The following DNM1 variants were observed in gnomAD, a reference collection of about 807,000 sequenced individuals.
DNM1 encodes the protein dynamin 1, also known as dynamin-1.
DNM1 carries 29 observed loss-of-function variants against 104.6 expected under a neutral mutation model. That is an observed-to-expected ratio of 0.28 (90% CI 0.21 to 0.38). The LOEUF (loss-of-function observed/expected upper bound fraction) is 0.38, where lower values mean the gene tolerates loss of function less well. Ranked by LOEUF, DNM1 falls within the 10% of genes least tolerant of loss-of-function variation. The pLI is 1.00. For synonymous variants in DNM1, 445 were observed against 475.8 expected (o/e 0.94, Z 0.84); for missense variants, 640 against 1,189.4 (o/e 0.54, Z 6.79).
At position 128,254,158 on chromosome 9, in the gene DNM1, C is replaced by T. The variant is rs1435193344; in HGVS notation, c.2535-496C>T. On this transcript the variant is annotated intron_variant, in intron 21 of 21. Transcript: ENST00000372923. The surrounding 1 kb of genome is among the most constrained non-coding windows in gnomAD (Gnocchi z 6.1). ...TTCAGAGGGTCCTGGGTTTTCTGAA[C>T]ACCCAGAGGGGCCTCCGGCGCTCCC... The T allele has an allele frequency of 1.6e-5, 21 of 1,298,884 alleles. No homozygotes were observed. The highest frequency in any genetic ancestry group is 4.0e-5 in the Admixed American group (1 of 24,754). 80.5% of individuals were successfully genotyped at this position (1,298,884 alleles called of 1,614,324 possible).
intron 10 of DNM1, chr9:128,226,111 A>T: frequency 6.2e-7 from 1 of 1,612,842 alleles, no homozygotes; most frequent in South Asian, 1.1e-5. Flanking sequence ...AGAGCCCAGT[A>T]TCAAGTGTGT....
rs1829756688 is a variant in DNM1 at position 128,254,848 on chromosome 9, T to C, written c.*134T>C. 2.7e-6 allele frequency: 2 copies of C among 747,938 alleles called. No individual in the cohort carries two copies. The highest frequency in any genetic ancestry group is 5.0e-5 in the East Asian group (2 of 40,078). 46.3% of individuals were successfully genotyped at this position (747,938 alleles called of 1,614,324 possible). A position where few individuals can be genotyped will look rare whatever the true frequency, so the allele number is the denominator to read the frequency against. ...GACTTAATCTGTTGTAGTGGTGAGCTGATACATTCAGGTGTGACCGTTGGT... is the reference window on the plus strand; with the variant it reads ...GACTTAATCTGTTGTAGTGGTGAGCCGATACATTCAGGTGTGACCGTTGGT... On this transcript the variant is annotated 3_prime_UTR_variant, in exon 22 of 22. Coordinates refer to ENST00000372923, the MANE Select transcript of DNM1 (RefSeq NM_004408.4). The surrounding 1 kb of genome is among the most constrained non-coding windows in gnomAD (Gnocchi z 6.1).
At chr9:128,239,416 C>T (rs766320936) in intron 11 of DNM1, 29 bp from the exon 12 acceptor site, 1 of 1,601,998 alleles carries the variant, frequency 6.2e-7, no homozygotes, top group Non-Finnish European at 8.6e-7. Flanking sequence ...GTCTTTTGCG[C>T]TTGCCCACCA....
In DNM1 at chr9:128,248,162, A is replaced by G. The variant is rs1181227006; in HGVS notation, c.1905+227A>G. The G allele has an allele frequency of 3.4e-6, 2 of 583,806 alleles. No homozygotes were observed. The highest frequency in any genetic ancestry group is 3.7e-5 in the African/African-American group (2 of 53,340). The allele number at this position is 583,806 out of a possible 1,614,324, so 36.2% of individuals were successfully genotyped here. On this transcript the variant is annotated intron_variant, in intron 18 of 21. Transcript: ENST00000372923. This position sits in a 1 kb window ranked among gnomAD's most constrained non-coding sequence, Gnocchi z 5.6. Reference sequence around the variant, plus strand: ...GCCAACACGGTGAAACCCCACCTCTACTAAAAATACAAAAATTAGCCAGGC... The same window carrying G: ...GCCAACACGGTGAAACCCCACCTCTGCTAAAAATACAAAAATTAGCCAGGC...
intron 10 of DNM1, among the ~76,000 whole-genome samples, chr9:128,228,711 G>A (rs761401634): frequency 4.6e-5 from 7 of 152,190 alleles, no homozygotes; most frequent in Non-Finnish European, 1.0e-4. Context: ...CTGGCCAGGC[G>A]CAGTGGCTCA....
Position 128,245,946 on chromosome 9 carries a change from G to T in DNM1, c.1672-448G>T, listed in dbSNP as rs1836774240. On this transcript the variant is annotated intron_variant, in intron 15 of 21. Coordinates refer to ENST00000372923, the MANE Select transcript of DNM1 (RefSeq NM_004408.4). This position sits in a 1 kb window ranked among gnomAD's most constrained non-coding sequence, Gnocchi z 5.2. ...TGGCTGCCTTATTGCTAACACATGGGGAGCTCGGGGGAGTGGGCTGAGCCG... is the reference window on the plus strand; with the variant it reads ...TGGCTGCCTTATTGCTAACACATGGTGAGCTCGGGGGAGTGGGCTGAGCCG... Among the ~76,000 whole-genome samples the T allele has an allele frequency of 6.6e-6, 1 of 152,254 alleles. No individual in the cohort carries two copies. The highest frequency in any genetic ancestry group is 2.4e-5 in the African/African-American group (1 of 41,474).
At chr9:128,242,136 G>T in intron 14 of DNM1, 96 bp from the exon 15 acceptor site, 1 of 731,264 alleles carries the variant, frequency 1.4e-6, no homozygotes, top group Non-Finnish European at 2.4e-6. Flanking sequence ...AGAGCTGGGA[G>T]AGGGGTGGGG....
At position 128,253,218 on chromosome 9, in the gene DNM1, G is replaced by T; in HGVS notation, c.2535-1436G>T. On this transcript the variant is annotated intron_variant, in intron 21 of 21. Coordinates refer to ENST00000372923, the MANE Select transcript of DNM1 (RefSeq NM_004408.4). The surrounding 1 kb of genome is among the most constrained non-coding windows in gnomAD (Gnocchi z 5.9). ...AGCTCCACACGGGGCGCGCACCTGG[G>T]ACCTCAGAGCCAGGCTCCCCGCCCC... 2 of 1,384,788 alleles carry T rather than the reference G, an allele frequency of 1.4e-6. No homozygotes were observed. Among genetic ancestry groups the T allele is most frequent in the East Asian group, 2.3e-5 (1 of 43,152 alleles). 85.8% of individuals were successfully genotyped at this position (1,384,788 alleles called of 1,614,324 possible).
At chr9:128,252,265 C>A (rs1186926569) in intron 21 of DNM1, 2 of 282,618 alleles carry the variant, frequency 7.1e-6, no homozygotes, top group African/African-American at 4.5e-5. Context: ...GTATTTGGCA[C>A]CCAGGTCTAT....
chr9:128,222,570 G>A lies in DNM1; in HGVS notation c.1102G>A (p.Glu368Lys), dbSNP rs1835087040. 1 of 1,614,112 alleles carries A rather than the reference G, an allele frequency of 6.2e-7. No homozygotes were observed. The highest frequency in any genetic ancestry group is 8.5e-7 in the Non-Finnish European group (1 of 1,180,016). ...GGARINRIFH[E>K]RFPFELVKME... ...AGCCCGCATTAACCGAATCTTCCAC[G>A]AGCGCTTCCCTTTCGAGCTGGTCAA... Residue 368 changes from glutamate (E) to lysine (K), a missense_variant, in exon 8 of 22, where the codon GAG becomes AAG. By Grantham distance (56) the Glu-to-Lys change is moderately conservative (BLOSUM62 1). Transcript: ENST00000372923. The surrounding 1 kb of genome is among the most constrained non-coding windows in gnomAD (Gnocchi z 7.8).
Position 128,224,034 on chromosome 9 carries a change from G to A in DNM1, c.1197-217G>A. On this transcript the variant is annotated intron_variant, in intron 9 of 21. Transcript: ENST00000372923. The surrounding 1 kb of genome is among the most constrained non-coding windows in gnomAD (Gnocchi z 4.3). ...ACTGCACTCCAGCCTGGGCGACAGA[G>A]CAAGACTCCGTCTCAAAAAAAATAA... 2 of 513,580 alleles carry A rather than the reference G, an allele frequency of 3.9e-6. No homozygotes were observed. The highest frequency in any genetic ancestry group is 3.3e-6 in the Non-Finnish European group (1 of 306,760). 31.8% of individuals were successfully genotyped at this position (513,580 alleles called of 1,614,324 possible).
intron 10 of DNM1, among the ~76,000 whole-genome samples, chr9:128,229,353 A>C (rs898523900): frequency 6.6e-6 from 1 of 151,280 alleles, no homozygotes; most frequent in African/African-American, 2.4e-5. Flanking sequence ...CTCCTGGGTT[A>C]TTTTAGAGAC....
rs1588367818 is a variant in DNM1, at chr9:128,222,076, G to A, written c.850-121G>A. The A allele has an allele frequency of 5.7e-6, 7 of 1,230,200 alleles. No individual in the cohort carries two copies. In the East Asian group the frequency reaches 1.4e-4, roughly 25 times the overall value. The allele number at this position is 1,230,200 out of a possible 1,614,324, so 76.2% of individuals were successfully genotyped here. ...TTTCTTGCTAGTGGCCCGGGCAGCA[G>A]TGGCAGGGCTGCCCTCCATAGCTCT... On this transcript the variant is annotated intron_variant, in intron 6 of 21. Transcript: ENST00000372923. This position sits in a 1 kb window ranked among gnomAD's most constrained non-coding sequence, Gnocchi z 7.8.
At position 128,218,344 on chromosome 9, in the gene DNM1, C is replaced by A; in HGVS notation, c.235+40C>A. 1 of 1,604,612 alleles carries A rather than the reference C, an allele frequency of 6.2e-7. No individual in the cohort carries two copies. The highest frequency in any genetic ancestry group is 8.5e-7 in the Non-Finnish European group (1 of 1,171,340). On this transcript the variant is annotated intron_variant, in intron 2 of 21. Transcript: ENST00000372923. This position sits in a 1 kb window ranked among gnomAD's most constrained non-coding sequence, Gnocchi z 4.8. ...TCACCAGCAGCCAGGCCTGCCCACTCCAGCCTCTCCCCCGTCCCCAAGCTG... is the reference window on the plus strand; with the variant it reads ...TCACCAGCAGCCAGGCCTGCCCACTACAGCCTCTCCCCCGTCCCCAAGCTG...
At chr9:128,251,053 C>A in intron 21 of DNM1, 113 bp downstream of exon 21, 1 of 760,340 alleles carries the variant, frequency 1.3e-6, no homozygotes, top group Non-Finnish European at 2.2e-6. Context: ...CCGTTTCTAT[C>A]CCAGGCAATC....
At chr9:128,234,585 G>C (rs1204973902) in intron 11 of DNM1, among the ~76,000 whole-genome samples, 1 of 152,200 alleles carries the variant, frequency 6.6e-6, no homozygotes, top group African/African-American at 2.4e-5. Context: ...CGTTGGCCAG[G>C]CTGGTCTCAA....
chr9:128,246,419 C>A lies in DNM1; in HGVS notation c.1697C>A (p.Ser566Tyr). Residue 566 changes from serine to tyrosine, a missense_variant, in exon 16 of 22, where the codon TCT becomes TAT. Physicochemically the swap from Ser to Tyr is moderately radical, Grantham distance 144 (BLOSUM62 -2). Transcript: ENST00000372923. ...DEEKEKKYMLSVDNLKLRDVE... is the reference protein window; with the variant it reads ...DEEKEKKYMLYVDNLKLRDVE... ...GAGAAAGAGAAGAAATACATGCTGT[C>A]TGTGGACAACCTCAAGCTGCGGGAC... 1 of 1,614,062 alleles carries A rather than the reference C, an allele frequency of 6.2e-7. No homozygotes were observed. The highest frequency in any genetic ancestry group is 8.5e-7 in the Non-Finnish European group (1 of 1,179,922).
Position 128,224,362 on chromosome 9 carries a change from C to A in DNM1, c.1308C>A (p.Ile436=), listed in dbSNP as rs1280123867. ...KCVDMVISEL[I]STVRQCTKKL... is the part of the protein sequence containing the mutation. ...TGGACATGGTTATCTCGGAGCTAAT[C>A]AGCACCGTTAGACAGTGCACCAAGA... is the stretch of plus-strand genomic sequence containing the variant. Residue 436 remains isoleucine, a synonymous_variant, in exon 10 of 22, where the codon ATC becomes ATA. Transcript: ENST00000372923. The surrounding 1 kb of genome is among the most constrained non-coding windows in gnomAD (Gnocchi z 4.3). 6.2e-7 allele frequency: 1 copy of A among 1,614,012 alleles called. No homozygotes were observed. Among genetic ancestry groups the A allele is most frequent in the South Asian group, 1.1e-5 (1 of 91,042 alleles).
chr9:128,218,332 G>A lies in DNM1; in HGVS notation c.235+28G>A, dbSNP rs916324315. 2.5e-6 allele frequency: 4 copies of A among 1,612,406 alleles called. No individual in the cohort carries two copies. Among genetic ancestry groups the A allele is most frequent in the Non-Finnish European group, 3.4e-6 (4 of 1,178,556 alleles). ...ACGTGCCCTCCTTCACCAGCAGCCA[G>A]GCCTGCCCACTCCAGCCTCTCCCCC... On this transcript the variant is annotated intron_variant, in intron 2 of 21. Coordinates refer to ENST00000372923, the MANE Select transcript of DNM1 (RefSeq NM_004408.4). This position sits in a 1 kb window ranked among gnomAD's most constrained non-coding sequence, Gnocchi z 4.8.
Sources: allele counts gnomAD v4.1 joint callset (sites outside exome capture counted in the v4.1 genomes callset), GRCh38; gene constraint gnomAD v4.1.1; non-coding constraint Gnocchi (gnomAD v3.1); transcripts MANE v1.5; gene names NCBI Gene and HGNC (gene_info 2026-07-23, HGNC 2026-07-21).